Variants in SHISA9 observed in about 807,000 individuals in gnomAD.
SHISA9 encodes shisa family member 9.
In SHISA9, 13 loss-of-function variants were observed where a neutral mutation model predicts 38.0. The ratio of observed to expected loss-of-function variants is 0.34; its 90% CI spans 0.22 to 0.54. SHISA9 has a LOEUF of 0.54. Among genes scored for constraint, SHISA9 ranks in the 20% least tolerant of loss-of-function variants. SHISA9 has a pLI of 0.91. For synonymous variants in SHISA9, 275 were observed against 242.0 expected (o/e 1.14, Z -1.27); for missense variants, 538 against 575.8 (o/e 0.93, Z 0.67).
chr16:13,477,710 A>ATCCCAGCATT, the SHISA9 span, among the ~76,000 whole-genome samples: 1 of 152,220 alleles, frequency 6.6e-6, no homozygotes, highest in South Asian at 2.1e-4. Context: ...CATGCCTGTA[A>ATCCCAGCATT]TCCCAGCATT....
chr16:13,150,443 G>A (rs900984456), intron 2 of SHISA9, among the ~76,000 whole-genome samples: 2 of 152,070 alleles, frequency 1.3e-5, no homozygotes, highest in African/African-American at 4.8e-5. Flanking sequence ...TCATTATTGT[G>A]GTAGACTTGG....
chr16:13,505,802 A>G, the SHISA9 span, among the ~76,000 whole-genome samples: 11 of 152,218 alleles, frequency 7.2e-5, no homozygotes, highest in African/African-American at 2.7e-4. Context: ...AGAACAAATC[A>G]TGACCTCCTG....
At chr16:13,397,609 G>C in the SHISA9 span, among the ~76,000 whole-genome samples, 2 of 152,008 alleles carry the variant, frequency 1.3e-5, no homozygotes, top group African/African-American at 4.8e-5. Context: ...TAATTTTTGT[G>C]TTTTTTAGTA....
chr16:13,222,269 A>G (rs2051234273), intron 4 of SHISA9, among the ~76,000 whole-genome samples: 1 of 152,136 alleles, frequency 6.6e-6, no homozygotes, highest in Non-Finnish European at 1.5e-5. Context: ...CAGCCAAACC[A>G]TATCATGACC....
At chr16:13,113,959 G>T (rs748143242) in intron 2 of SHISA9, among the ~76,000 whole-genome samples, 1 of 152,058 alleles carries the variant, frequency 6.6e-6, no homozygotes, top group Non-Finnish European at 1.5e-5. Flanking sequence ...TCAGCAAAGC[G>T]CTTACCATGG....
chr16:13,204,111 A>G (rs531692649), intron 3 of SHISA9, among the ~76,000 whole-genome samples: 8 of 151,820 alleles, frequency 5.3e-5, no homozygotes, highest in African/African-American at 1.7e-4. Context: ...CTGTCTACCT[A>G]TTATCTATCA....
chr16:13,046,305 T>C (rs533202498), intron 2 of SHISA9, among the ~76,000 whole-genome samples: 3 of 152,212 alleles, frequency 2.0e-5, no homozygotes, highest in Non-Finnish European at 2.9e-5. Context: ...TGACAAGGGA[T>C]ATTTAAGCTG....
chr16:13,101,272 A>C (rs2073876506), intron 2 of SHISA9, among the ~76,000 whole-genome samples: 1 of 152,262 alleles, frequency 6.6e-6, no homozygotes, highest in African/African-American at 2.4e-5. Flanking sequence ...TCTCACACGA[A>C]GAAACAAAAG....
the SHISA9 span, among the ~76,000 whole-genome samples, chr16:13,369,794 C>T: frequency 6.6e-6 from 1 of 152,104 alleles, no homozygotes. Flanking sequence ...AAACACTGAG[C>T]TCACAGGGGC....
At chr16:13,362,107 T>C in the SHISA9 span, among the ~76,000 whole-genome samples, 168 of 150,684 alleles carry the variant, frequency 1.1e-3, no homozygotes, top group African/African-American at 3.9e-3. Context: ...CTCATGCCTA[T>C]AATCCCAGCA....
the SHISA9 span, among the ~76,000 whole-genome samples, chr16:13,408,873 G>A: frequency 9.2e-5 from 14 of 152,194 alleles, no homozygotes; most frequent in East Asian, 2.7e-3. Context: ...AGGAGACAGG[G>A]AAATACTGGG....
At chr16:13,407,507 T>C in the SHISA9 span, among the ~76,000 whole-genome samples, 1 of 152,144 alleles carries the variant, frequency 6.6e-6, no homozygotes, top group Admixed American at 6.5e-5. Context: ...AACATATCTA[T>C]TTTGAGGGGG....
At chr16:13,418,473 A>T in the SHISA9 span, among the ~76,000 whole-genome samples, 2 of 152,132 alleles carry the variant, frequency 1.3e-5, no homozygotes, top group Non-Finnish European at 2.9e-5. Context: ...TACTTCACTC[A>T]TATGCATGGT....
At chr16:13,032,886 T>C (rs1023939309) in intron 2 of SHISA9, among the ~76,000 whole-genome samples, 1 of 152,156 alleles carries the variant, frequency 6.6e-6, no homozygotes, top group African/African-American at 2.4e-5. Context: ...TCATAATAGC[T>C]AAGACAAAAA....
chr16:13,418,596 C>G, the SHISA9 span, among the ~76,000 whole-genome samples: 1 of 152,176 alleles, frequency 6.6e-6, no homozygotes, highest in East Asian at 1.9e-4. Flanking sequence ...AACCCAGAGA[C>G]TCCTGCCCAG....
At chr16:13,298,396 A>G in the SHISA9 span, among the ~76,000 whole-genome samples, 18 of 152,358 alleles carry the variant, frequency 1.2e-4, no homozygotes, top group East Asian at 1.2e-3. Flanking sequence ...TCAATAATAA[A>G]CACGATGATG....
At chr16:13,007,354 C>T (rs1041118457) in intron 2 of SHISA9, among the ~76,000 whole-genome samples, 2 of 152,146 alleles carry the variant, frequency 1.3e-5, no homozygotes, top group African/African-American at 4.8e-5. Context: ...AACCTCCCAC[C>T]CCCAATAGGC....
intron 2 of SHISA9, among the ~76,000 whole-genome samples, chr16:13,132,348 T>G (rs1294510334): frequency 6.6e-6 from 1 of 152,182 alleles, no homozygotes; most frequent in Non-Finnish European, 1.5e-5. Flanking sequence ...CTGCTATTGC[T>G]GCTAATATTA....
the SHISA9 span, among the ~76,000 whole-genome samples, chr16:13,512,425 C>G: frequency 6.6e-6 from 1 of 152,158 alleles, no homozygotes; most frequent in Non-Finnish European, 1.5e-5. Context: ...AATGGCCATA[C>G]TGCCCAAATT....
Sources: gnomAD v4.1 joint callset for allele counts (sites outside exome capture counted in the v4.1 genomes callset) on GRCh38, gnomAD v4.1.1 for gene constraint, MANE v1.5 for transcripts, NCBI Gene and HGNC (gene_info 2026-07-23, HGNC 2026-07-21) for gene names.